The following LINGO2 variants were observed in gnomAD, a reference collection of about 807,000 sequenced individuals.
LINGO2 encodes leucine-rich repeat and immunoglobulin-like domain-containing nogo receptor-interacting protein 2.
A neutral mutation model predicts 30.6 loss-of-function variants in LINGO2; 14 were observed. The ratio of observed to expected loss-of-function variants is 0.46; its 90% CI spans 0.30 to 0.72. The LOEUF is 0.72. Among genes scored for constraint, LINGO2 ranks in the 30% least tolerant of loss-of-function variants. LINGO2 has a pLI of 0.07. For missense variants in LINGO2, 729 were observed against 751.7 expected, an observed-to-expected ratio of 0.97 and a Z score of 0.35; for synonymous variants, 317 against 288.5, an observed-to-expected ratio of 1.10 and a Z score of -1.00.
intron 2 of LINGO2, among the ~76,000 whole-genome samples, chr9:28,403,364 T>G (rs78736620): frequency 0.027 from 4,092 of 152,240 alleles, 167 homozygotes; most frequent in African/African-American, 0.092. Context: ...GGTTGCATTA[T>G]TCTGTCAAAG....
chr9:27,962,350 T>C, intron 5 of LINGO2, among the ~76,000 whole-genome samples: 1 of 152,168 alleles, frequency 6.6e-6, no homozygotes, highest in East Asian at 1.9e-4. Flanking sequence ...ATTGTTTAGA[T>C]TCCTTAATTT....
chr9:29,080,679 T>C, the LINGO2 span, among the ~76,000 whole-genome samples: 1 of 152,142 alleles, frequency 6.6e-6, no homozygotes, highest in Non-Finnish European at 1.5e-5. Flanking sequence ...ACATCTTTAT[T>C]TCTGCCTTCA....
chr9:28,216,766 A>G (rs1446184688), intron 4 of LINGO2, among the ~76,000 whole-genome samples: 2 of 151,964 alleles, frequency 1.3e-5, no homozygotes, highest in Non-Finnish European at 2.9e-5. Flanking sequence ...ATTTATGATC[A>G]TTATTGAAGT....
intron 1 of LINGO2, among the ~76,000 whole-genome samples, chr9:28,557,193 A>G (rs576208697): frequency 1.9e-3 from 290 of 152,224 alleles, no homozygotes; most frequent in African/African-American, 6.7e-3. Flanking sequence ...AGAAATTACC[A>G]TCAGAGTGAA....
the LINGO2 span, among the ~76,000 whole-genome samples, chr9:28,880,969 G>C: frequency 4.6e-5 from 7 of 151,968 alleles, no homozygotes; most frequent in South Asian, 1.2e-3. Flanking sequence ...GTTTGTTGCT[G>C]ACCTTCTCCT....
chr9:28,678,769 C>T, the LINGO2 span, among the ~76,000 whole-genome samples: 1 of 152,040 alleles, frequency 6.6e-6, no homozygotes, highest in African/African-American at 2.4e-5. Context: ...TTATATTTTG[C>T]TTTCCTGATA....
At chr9:28,769,504 ATATATATATATATATTTTTTTTTTTTTT>A in the LINGO2 span, among the ~76,000 whole-genome samples, 26 of 3,366 alleles carry the variant, frequency 7.7e-3, 6 homozygotes, top group South Asian at 0.014. Flanking sequence ...ATATATATAT[ATATATATATATATATTTTTTTTTTTTTT>A]TTTTTTTTTT....
chr9:28,839,725 T>A, the LINGO2 span, among the ~76,000 whole-genome samples: 1 of 152,242 alleles, frequency 6.6e-6, no homozygotes, highest in East Asian at 1.9e-4. Context: ...TACCATAAGT[T>A]CTCACTTTGG....
intron 5 of LINGO2, among the ~76,000 whole-genome samples, chr9:27,980,677 G>A (rs748741966): frequency 1.4e-4 from 21 of 151,868 alleles, no homozygotes; most frequent in Non-Finnish European, 2.5e-4. Flanking sequence ...GGTCCTCAGT[G>A]AGGGGACTGC....
At chr9:28,797,329 CATATATATATATATATATAT>C in the LINGO2 span, among the ~76,000 whole-genome samples, 1 of 65,950 alleles carries the variant, frequency 1.5e-5, no homozygotes, top group East Asian at 5.6e-4. Context: ...ATCATATATA[CATATATATATATATATATAT>C]ATATATATAT....
chr9:28,325,922 C>T (rs1406266325), intron 3 of LINGO2, among the ~76,000 whole-genome samples: 1 of 152,174 alleles, frequency 6.6e-6, no homozygotes, highest in African/African-American at 2.4e-5. Context: ...TCTCTCTCCC[C>T]TACTGCAACA....
the LINGO2 span, among the ~76,000 whole-genome samples, chr9:29,067,627 T>C: frequency 2.6e-4 from 39 of 151,466 alleles, 1 homozygote; most frequent in Middle Eastern, 3.4e-3. Flanking sequence ...GTGTGCTATG[T>C]TGGAAATACT....
the LINGO2 span, among the ~76,000 whole-genome samples, chr9:29,165,183 G>C: frequency 1.3e-5 from 2 of 151,838 alleles, no homozygotes; most frequent in African/African-American, 4.8e-5. Context: ...TCTATATTTG[G>C]CATCTGTATC....
the LINGO2 span, among the ~76,000 whole-genome samples, chr9:28,707,489 C>A: frequency 6.6e-6 from 1 of 152,004 alleles, no homozygotes; most frequent in African/African-American, 2.4e-5. Context: ...CCATCTCATT[C>A]GCTGCACTGG....
At chr9:28,391,123 T>C (rs1821812644) in intron 2 of LINGO2, among the ~76,000 whole-genome samples, 4 of 152,182 alleles carry the variant, frequency 2.6e-5, no homozygotes, top group Non-Finnish European at 5.9e-5. Context: ...TCTAGTTTTA[T>C]TTTTAATTAA....
intron 1 of LINGO2, among the ~76,000 whole-genome samples, chr9:28,504,007 T>C (rs1304062673): frequency 2.6e-5 from 4 of 151,914 alleles, no homozygotes; most frequent in Non-Finnish European, 5.9e-5. Context: ...CTGCCTATCA[T>C]GTGAAGAACA....
At chr9:29,134,422 AT>A in the LINGO2 span, among the ~76,000 whole-genome samples, 25 of 152,004 alleles carry the variant, frequency 1.6e-4, no homozygotes, top group African/African-American at 4.1e-4. Flanking sequence ...AAAAATATAC[AT>A]TTTTTTCACA....
the LINGO2 span, among the ~76,000 whole-genome samples, chr9:29,099,388 A>T: frequency 6.6e-6 from 1 of 152,198 alleles, no homozygotes; most frequent in South Asian, 2.1e-4. Context: ...AAATGGGATC[A>T]CATCAAGATA....
intron 2 of LINGO2, among the ~76,000 whole-genome samples, chr9:28,430,184 T>C (rs1481848272): frequency 6.6e-6 from 1 of 152,136 alleles, no homozygotes; most frequent in Non-Finnish European, 1.5e-5. Context: ...TGTTGATTGA[T>C]GACAGCTGAC....
Sources: gnomAD v4.1 joint callset for allele counts (sites outside exome capture counted in the v4.1 genomes callset) on GRCh38, gnomAD v4.1.1 for gene constraint, MANE v1.5 for transcripts, NCBI Gene and HGNC (gene_info 2026-07-23, HGNC 2026-07-21) for gene names.